LTN1: variants seen among roughly 807,000 people sequenced by gnomAD.
LTN1 encodes listerin E3 ubiquitin protein ligase 1.
In LTN1, 88 loss-of-function variants were observed where a neutral mutation model predicts 201.2. The ratio of observed to expected loss-of-function variants is 0.44; its 90% CI spans 0.37 to 0.52. The LOEUF (loss-of-function observed/expected upper bound fraction) is 0.52. Among genes scored for constraint, LTN1 ranks in the 20% least tolerant of loss-of-function variants. LTN1 has a pLI of 0.00. For missense variants in LTN1, 1,752 were observed against 2,038.7 expected, an observed-to-expected ratio of 0.86 and a Z score of 2.71; for synonymous variants, 645 against 713.5, an observed-to-expected ratio of 0.90 and a Z score of 1.53.
chr21:28,973,930 T>C (rs1158282930), intron 6 of LTN1, among the ~76,000 whole-genome samples: 1 of 152,170 alleles, frequency 6.6e-6, no homozygotes, highest in Non-Finnish European at 1.5e-5. Context: ...TGGGATAGTC[T>C]TTCAGCAACT....
chr21:28,931,485 C>T (rs1011198793), intron 28 of LTN1, among the ~76,000 whole-genome samples, 163 bp from the exon 29 acceptor site: 4 of 152,142 alleles, frequency 2.6e-5, no homozygotes, highest in African/African-American at 9.7e-5. Context: ...TTAAAATAAC[C>T]TCCCAAGTTT....
At chr21:28,957,224 C>G (rs1480730096) in intron 15 of LTN1, 108 bp downstream of exon 15, 1 of 1,156,140 alleles carries the variant, frequency 8.6e-7, no homozygotes, top group East Asian at 2.5e-5. Context: ...CAAAGCAAAG[C>G]AAAATACTCA....
chr21:28,967,203 T>C, intron 9 of LTN1, 24 bp from the exon 10 acceptor site: 1 of 1,531,180 alleles, frequency 6.5e-7, no homozygotes, highest in Non-Finnish European at 8.9e-7. Flanking sequence ...TAGAATATCA[T>C]AAAATATATA....
chr21:28,943,595 A>G, intron 23 of LTN1, 72 bp downstream of exon 23: 3 of 1,181,934 alleles, frequency 2.5e-6, no homozygotes, highest in Middle Eastern at 5.3e-4. Flanking sequence ...TAAATAATTA[A>G]AAGTAAAAAC....
Position 28,967,028 on chromosome 21 carries a change from A to T in LTN1, c.1463T>A (p.Ile488Lys), listed in dbSNP as rs548952342. 2.0e-5 allele frequency: 32 copies of T among 1,614,134 alleles called. No homozygotes were observed. In the East Asian group the frequency reaches 7.1e-4, roughly 36 times the overall value. ...CTCTGACAGTCTTTCCCAGAAATGT[A>T]TCAGTACGTTCTCCAAGTTGTGAGC... ...KTAHNLENVL[I>K]HFWERLSEIC... The change falls in exon 10 of 30, where the codon ATA becomes AAA. Residue 488 changes from isoleucine (I) to lysine (K), a missense_variant. Around this residue, in one of 3 missense-constraint regions of LTN1, gnomAD observed 1,211 missense variants for 1,312.8 expected, o/e 0.92. Coordinates refer to ENST00000361371, the MANE Select transcript of LTN1 (RefSeq NM_015565.3).
Position 28,928,902 on chromosome 21 carries a change from G to A in LTN1, c.*1546C>T, listed in dbSNP as rs2146246864. ...TCACGGGGAGTAACACAATCCTTTG[G>A]GATTACTATGTCAGAAAGAGACATA... is the stretch of plus-strand genomic sequence containing the variant. On this transcript the variant is annotated 3_prime_UTR_variant, in exon 30 of 30. Coordinates refer to ENST00000361371, the MANE Select transcript of LTN1 (RefSeq NM_015565.3). The A allele has an allele frequency of 6.6e-6, 1 of 152,466 alleles. No individual in the cohort carries two copies. Among genetic ancestry groups the A allele is most frequent in the Non-Finnish European group, 1.5e-5 (1 of 67,956 alleles). The allele number at this position is 152,466 out of a possible 1,614,324, so 9.4% of individuals were successfully genotyped here. A position where few individuals can be genotyped will look rare whatever the true frequency, so the allele number is the denominator to read the frequency against.
At chr21:28,961,404 A>C (rs1335525569) in intron 11 of LTN1, 1 of 163,396 alleles carries the variant, frequency 6.1e-6, no homozygotes, top group African/African-American at 2.4e-5. Context: ...TATTTTCATG[A>C]GGTGGGGAAG....
At position 28,956,753 on chromosome 21, in the gene LTN1, T is replaced by C; in HGVS notation, c.3079+9A>G. ...ATTATGTTATATGTAAATACTCATA[T>C]ATACTTACTTATTTTCTCAAGCTCA... On this transcript the variant is annotated intron_variant, in intron 16 of 29. Coordinates refer to ENST00000361371, the MANE Select transcript of LTN1 (RefSeq NM_015565.3). 1.3e-6 allele frequency: 2 copies of C among 1,501,676 alleles called. No homozygotes were observed. Among genetic ancestry groups the C allele is most frequent in the Non-Finnish European group, 1.8e-6 (2 of 1,092,468 alleles). The allele number at this position is 1,501,676 out of a possible 1,614,324, so 93.0% of individuals were successfully genotyped here.
chr21:28,936,649 T>C lies in LTN1; in HGVS notation c.4531A>G (p.Lys1511Glu). 1 of 1,613,836 alleles carries C rather than the reference T, an allele frequency of 6.2e-7. No individual in the cohort carries two copies. ...MYLRKTKSLN[K>E]LLYHLFRLMP... ...AGCCTGAACAGGTGATAGAGCAATTTATTCAAACTCTTTGTTTTCCGAAGA... is the reference window on the plus strand; with the variant it reads ...AGCCTGAACAGGTGATAGAGCAATTCATTCAAACTCTTTGTTTTCCGAAGA... The change falls in exon 26 of 30, where the codon AAA becomes GAA. Residue 1511 changes from lysine to glutamate, a missense_variant. By Grantham distance (56) the Lys-to-Glu change is moderately conservative (BLOSUM62 1). Around this residue, in one of 3 missense-constraint regions of LTN1, gnomAD observed 261 missense variants for 350.1 expected, o/e 0.75. Transcript: ENST00000361371.
intron 6 of LTN1, among the ~76,000 whole-genome samples, chr21:28,973,544 T>C (rs1386856925): frequency 6.6e-6 from 1 of 152,048 alleles, no homozygotes; most frequent in East Asian, 1.9e-4. Flanking sequence ...GTTAGCAAAG[T>C]ATTTTAAAAG....
intron 12 of LTN1, among the ~76,000 whole-genome samples, chr21:28,960,250 C>T (rs1601189143): frequency 6.6e-6 from 1 of 151,740 alleles, no homozygotes; most frequent in East Asian, 1.9e-4. Flanking sequence ...ACCTGTAGTC[C>T]CAACTACTTG....
chr21:28,959,494 A>G lies in LTN1; in HGVS notation c.2557T>C (p.Leu853=), dbSNP rs747086984. ...SEDLLLTLFQ[L]CAQSKEKTHL... The stretch of plus-strand genomic sequence containing the variant: ...GTTTTTTCTTTGCTCTGAGCACATA[A>G]CTGAAAGAGAGTTAATAATAAATCT... Residue 853 remains leucine, a synonymous_variant, in exon 13 of 30, where the codon TTA becomes CTA. Transcript: ENST00000361371. 2 of 1,613,974 alleles carry G rather than the reference A, an allele frequency of 1.2e-6. No individual in the cohort carries two copies. Among genetic ancestry groups the G allele is most frequent in the Non-Finnish European group, 1.7e-6 (2 of 1,179,908 alleles).
intron 1 of LTN1, among the ~76,000 whole-genome samples, chr21:28,988,958 T>G (rs1306234008): frequency 2.0e-5 from 3 of 146,712 alleles, no homozygotes; most frequent in Admixed American, 2.0e-4. Flanking sequence ...AGAGCGAAAC[T>G]CCATTTCAAA....
chr21:28,952,331 G>T, intron 17 of LTN1, 67 bp from the exon 18 acceptor site: 1 of 898,314 alleles, frequency 1.1e-6, no homozygotes, highest in Non-Finnish European at 1.7e-6. Context: ...TTTAAACACT[G>T]GCTAGCTGGA....
chr21:28,982,062 A>G (rs1161548309), intron 5 of LTN1, among the ~76,000 whole-genome samples: 1 of 152,076 alleles, frequency 6.6e-6, no homozygotes, highest in Non-Finnish European at 1.5e-5. Context: ...AAAAAATACA[A>G]AAAAATTAGC....
chr21:28,985,196 G>A (rs973412732), intron 3 of LTN1, among the ~76,000 whole-genome samples: 2 of 152,098 alleles, frequency 1.3e-5, no homozygotes, highest in South Asian at 2.1e-4. Context: ...CTGGTGGCTC[G>A]TGCCTATAAT....
At chr21:28,959,413 A>G in intron 13 of LTN1, 45 bp downstream of exon 13, 1 of 1,585,854 alleles carries the variant, frequency 6.3e-7, no homozygotes, top group Non-Finnish European at 8.6e-7. Flanking sequence ...TATGAAGGTC[A>G]GAGCCGGAGA....
chr21:28,947,379 C>T lies in LTN1; in HGVS notation c.3487+85G>A, dbSNP rs569181047. ...TCAGCTGTAATTCAATTTACCTCTG[C>T]TAGATGTGGTCTTATATATTAGAAA... On this transcript the variant is annotated intron_variant, in intron 19 of 29. Coordinates refer to ENST00000361371, the MANE Select transcript of LTN1 (RefSeq NM_015565.3). 1.8e-4 allele frequency: 193 copies of T among 1,101,998 alleles called. No homozygotes were observed. In the East Asian group the frequency reaches 5.6e-3, roughly 32 times the overall value. The allele number at this position is 1,101,998 out of a possible 1,614,324, so 68.3% of individuals were successfully genotyped here. A position where few individuals can be genotyped will look rare whatever the true frequency, so the allele number is the denominator to read the frequency against.
chr21:28,990,830 C>T (rs1021064879), intron 1 of LTN1, among the ~76,000 whole-genome samples: 3 of 152,154 alleles, frequency 2.0e-5, no homozygotes, highest in South Asian at 2.1e-4. Context: ...CTCCTCTCCC[C>T]GCTTAAACAG....
Sources: allele counts gnomAD v4.1 joint callset (sites outside exome capture counted in the v4.1 genomes callset), GRCh38; gene constraint gnomAD v4.1.1; regional missense constraint gnomAD v4.1.1; transcripts MANE v1.5; gene names NCBI Gene and HGNC (gene_info 2026-07-23, HGNC 2026-07-21).